CDH12: variants seen among roughly 807,000 people sequenced by gnomAD.
The protein encoded by CDH12 is cadherin 12, also known as cadherin-12.
A neutral mutation model predicts 74.1 loss-of-function variants in CDH12; 41 were observed. The ratio of observed to expected loss-of-function variants is 0.55; its 90% CI spans 0.43 to 0.72. The LOEUF is 0.72. Among genes scored for constraint, CDH12 ranks in the 30% least tolerant of loss-of-function variants. CDH12 has a pLI of 0.00. For missense variants in CDH12, 945 were observed against 977.2 expected (o/e 0.97, Z 0.44); for synonymous variants, 399 against 355.0 (o/e 1.12, Z -1.39).
chr5:22,362,988 G>T (rs912128769), intron 3 of CDH12, among the ~76,000 whole-genome samples: 1 of 150,800 alleles, frequency 6.6e-6, no homozygotes, highest in Non-Finnish European at 1.5e-5. Context: ...GCTAAATGAC[G>T]AGTTAATGGG....
intron 4 of CDH12, among the ~76,000 whole-genome samples, chr5:22,210,974 A>G (rs1751500136): frequency 6.6e-6 from 1 of 152,258 alleles, no homozygotes; most frequent in Non-Finnish European, 1.5e-5. Context: ...AGAAGTAGAT[A>G]AAAGTCTTCA....
chr5:22,573,794 C>G (rs1353224885), intron 1 of CDH12, among the ~76,000 whole-genome samples: 1 of 151,946 alleles, frequency 6.6e-6, no homozygotes, highest in Non-Finnish European at 1.5e-5. Context: ...TGTCTCCTCT[C>G]CCAGAAATCC....
intron 6 of CDH12, among the ~76,000 whole-genome samples, chr5:21,927,602 A>C (rs1754645380): frequency 6.6e-6 from 1 of 151,998 alleles, no homozygotes; most frequent in Non-Finnish European, 1.5e-5. Flanking sequence ...AAAAACAAGA[A>C]AGAAAGAAAA....
chr5:21,980,895 C>T (rs1360540307), intron 5 of CDH12, among the ~76,000 whole-genome samples: 2 of 151,984 alleles, frequency 1.3e-5, no homozygotes, highest in Non-Finnish European at 2.9e-5. Context: ...TTTATTACAT[C>T]AGTTTAAACT....
intron 1 of CDH12, among the ~76,000 whole-genome samples, chr5:22,542,490 C>A (rs1230670828): frequency 6.6e-6 from 1 of 152,098 alleles, no homozygotes; most frequent in Non-Finnish European, 1.5e-5. Flanking sequence ...GGAGAGTACC[C>A]AGAAGTGGCT....
At chr5:21,906,029 A>G (rs1753625193) in intron 6 of CDH12, among the ~76,000 whole-genome samples, 1 of 152,210 alleles carries the variant, frequency 6.6e-6, no homozygotes, top group Admixed American at 6.5e-5. Context: ...TAGAAATAAC[A>G]GATTAAAATA....
At chr5:21,872,793 T>C (rs566873347) in intron 6 of CDH12, among the ~76,000 whole-genome samples, 136 of 141,774 alleles carry the variant, frequency 9.6e-4, no homozygotes, top group African/African-American at 3.5e-3. Context: ...GATCTATCTA[T>C]CTATCTATCT....
intron 10 of CDH12, among the ~76,000 whole-genome samples, chr5:21,791,372 T>C (rs1162062884): frequency 1.3e-5 from 2 of 152,006 alleles, no homozygotes; most frequent in Non-Finnish European, 2.9e-5. Context: ...GGCATAGAAA[T>C]TTTGAGGAGT....
intron 1 of CDH12, among the ~76,000 whole-genome samples, chr5:22,743,131 C>T (rs946754378): frequency 6.6e-6 from 1 of 151,660 alleles, no homozygotes; most frequent in East Asian, 1.9e-4. Context: ...TACGTGAGTT[C>T]TCCTGGTTCT....
At chr5:22,180,797 A>G (rs1184610290) in intron 4 of CDH12, among the ~76,000 whole-genome samples, 6 of 152,042 alleles carry the variant, frequency 3.9e-5, no homozygotes, top group African/African-American at 9.7e-5. Context: ...CACCGTGCCC[A>G]GCCAGTTTTT....
intron 1 of CDH12, among the ~76,000 whole-genome samples, chr5:22,819,871 T>C (rs928631360): frequency 3.3e-4 from 49 of 149,114 alleles, no homozygotes; most frequent in African/African-American, 1.1e-3. Context: ...GATATTTAAA[T>C]ATATATATTT....
At chr5:22,666,113 C>G (rs1740599401) in intron 1 of CDH12, among the ~76,000 whole-genome samples, 1 of 152,026 alleles carries the variant, frequency 6.6e-6, no homozygotes, top group African/African-American at 2.4e-5. Flanking sequence ...GTTATTTATT[C>G]ACTCTTATTT....
chr5:21,882,541 G>T, intron 6 of CDH12: 4 of 1,119,978 alleles, frequency 3.6e-6, no homozygotes, highest in South Asian at 2.5e-5. Flanking sequence ...ACTCGCCGCC[G>T]ACAACCTGTC....
chr5:22,455,155 T>C (rs1269953449), intron 2 of CDH12, among the ~76,000 whole-genome samples: 1 of 152,226 alleles, frequency 6.6e-6, no homozygotes, highest in Non-Finnish European at 1.5e-5. Flanking sequence ...TGAAACATTA[T>C]TGGCAGAGGG....
chr5:22,626,958 T>G (rs1222818480), intron 1 of CDH12, among the ~76,000 whole-genome samples: 2 of 152,114 alleles, frequency 1.3e-5, no homozygotes, highest in Non-Finnish European at 2.9e-5. Context: ...CATAATACAA[T>G]TGCAAGTATT....
intron 3 of CDH12, among the ~76,000 whole-genome samples, chr5:22,236,644 G>A (rs1284161427): frequency 1.3e-5 from 2 of 152,162 alleles, no homozygotes; most frequent in Non-Finnish European, 2.9e-5. Context: ...CTACTTGGGA[G>A]GCTGAGGCAG....
At chr5:22,340,037 C>T (rs183460771) in intron 3 of CDH12, among the ~76,000 whole-genome samples, 565 of 152,174 alleles carry the variant, frequency 3.7e-3, no homozygotes, top group Non-Finnish European at 6.0e-3. Context: ...ACTTACAAGA[C>T]GGAAAGTCAT....
intron 4 of CDH12, among the ~76,000 whole-genome samples, chr5:22,197,044 CT>C (rs1750658047): frequency 1.3e-5 from 2 of 152,096 alleles, no homozygotes; most frequent in African/African-American, 2.4e-5. Flanking sequence ...ACTTCTACCC[CT>C]GAACTTAAAA....
intron 3 of CDH12, among the ~76,000 whole-genome samples, chr5:22,356,734 C>T (rs1740576834): frequency 6.6e-6 from 1 of 152,082 alleles, no homozygotes; most frequent in African/African-American, 2.4e-5. Context: ...ATCTTCAATA[C>T]CAATTTCAAT....
Sources: allele counts gnomAD v4.1 joint callset (sites outside exome capture counted in the v4.1 genomes callset), GRCh38; gene constraint gnomAD v4.1.1; transcripts MANE v1.5; gene names NCBI Gene and HGNC (gene_info 2026-07-23, HGNC 2026-07-21).